The following GNAL variants were observed in gnomAD, a reference collection of about 807,000 sequenced individuals.
The protein encoded by GNAL is guanine nucleotide-binding protein G(olf) subunit alpha.
Under a neutral mutation model 55.1 loss-of-function variants are expected in GNAL, and 18 were observed. The ratio of observed to expected loss-of-function variants is 0.33; its 90% CI spans 0.23 to 0.48. The LOEUF (loss-of-function observed/expected upper bound fraction) is 0.48, where lower values mean the gene tolerates loss of function less well. GNAL is among the 20% of genes least tolerant of loss of function. The pLI is 0.99. For synonymous variants in GNAL, 253 were observed against 237.0 expected, an observed-to-expected ratio of 1.07 and a Z score of -0.62; for missense variants, 412 against 614.1, an observed-to-expected ratio of 0.67 and a Z score of 3.48.
chr18:11,877,766 T>C (rs959718701), intron 11 of GNAL, among the ~76,000 whole-genome samples: 8 of 152,122 alleles, frequency 5.3e-5, no homozygotes, highest in Non-Finnish European at 1.2e-4. Flanking sequence ...ACCACCCTTT[T>C]CCCGGCACAC....
At chr18:11,801,417 G>A (rs182138396) in intron 4 of GNAL, among the ~76,000 whole-genome samples, 3 of 152,288 alleles carry the variant, frequency 2.0e-5, no homozygotes, top group Admixed American at 2.0e-4. Context: ...ATCAGGCGTG[G>A]TGGTGCACAT....
In GNAL at chr18:11,885,402, G is replaced by GT; in HGVS notation, c.*4268dup. ...TTAGAAAATTAAACACACACAGAGTGTAAGAGGAGAGGATACGGCCCTCCC... is the reference window on the plus strand; with the variant it reads ...TTAGAAAATTAAACACACACAGAGTGTTAAGAGGAGAGGATACGGCCCTCCC... On this transcript the variant is annotated 3_prime_UTR_variant, in exon 12 of 12. Coordinates refer to ENST00000334049, the MANE Select transcript of GNAL (RefSeq NM_182978.4). 2.2e-6 allele frequency: 1 copy of GT among 462,796 alleles called. No individual in the cohort carries two copies. The highest frequency in any genetic ancestry group is 3.9e-6 in the Non-Finnish European group (1 of 257,014). The allele number at this position is 462,796 out of a possible 1,614,324, so 28.7% of individuals were successfully genotyped here. A position where few individuals can be genotyped will look rare whatever the true frequency, so the allele number is the denominator to read the frequency against.
At chr18:11,746,954 G>T in intron 1 of GNAL, 1 of 527,998 alleles carries the variant, frequency 1.9e-6, no homozygotes, top group South Asian at 1.4e-5. Context: ...TTCAGTAGGT[G>T]AGTATTTAAT....
Position 11,752,976 on chromosome 18 carries a change from C to T in GNAL, c.449+51C>T, listed in dbSNP as rs758550295. On this transcript the variant is annotated intron_variant, in intron 2 of 11. Transcript: ENST00000334049. This position sits in a 1 kb window ranked among gnomAD's most constrained non-coding sequence, Gnocchi z 4.5. ...ACTGCATGCAAACTTCGTCTCTCTC[C>T]CAGACGTCCCAAAAGTGCTTTCTCT... The T allele has an allele frequency of 2.8e-6, 3 of 1,057,420 alleles. No homozygotes were observed. Among genetic ancestry groups the T allele is most frequent in the Non-Finnish European group, 4.4e-6 (3 of 683,464 alleles). 65.5% of individuals were successfully genotyped at this position (1,057,420 alleles called of 1,614,324 possible).
chr18:11,822,715 A>G (rs2035131885), intron 4 of GNAL, among the ~76,000 whole-genome samples: 3 of 151,882 alleles, frequency 2.0e-5, no homozygotes, highest in Admixed American at 1.3e-4. Flanking sequence ...GCTCACTTCC[A>G]TGGCTGGTTG....
At chr18:11,777,699 G>A (rs974864332) in intron 4 of GNAL, among the ~76,000 whole-genome samples, 1 of 152,140 alleles carries the variant, frequency 6.6e-6, no homozygotes, top group African/African-American at 2.4e-5. Flanking sequence ...AATCAAGTAG[G>A]TAAACTAGAT....
At chr18:11,786,741 G>A (rs2034073838) in intron 4 of GNAL, among the ~76,000 whole-genome samples, 1 of 151,484 alleles carries the variant, frequency 6.6e-6, no homozygotes, top group African/African-American at 2.4e-5. Flanking sequence ...GTGAGCCACC[G>A]TGCCCGGCGA....
At chr18:11,833,219 A>G (rs2035425960) in intron 5 of GNAL, among the ~76,000 whole-genome samples, 1 of 151,964 alleles carries the variant, frequency 6.6e-6, no homozygotes, top group South Asian at 2.1e-4. Flanking sequence ...TTTAGTAGAG[A>G]TGAGGTTTCA....
chr18:11,741,114 A>G (rs2032566682), intron 1 of GNAL, among the ~76,000 whole-genome samples: 1 of 152,250 alleles, frequency 6.6e-6, no homozygotes, highest in Non-Finnish European at 1.5e-5. Flanking sequence ...CAGTCATTAT[A>G]TGCAGATTAA....
chr18:11,784,816 T>C (rs556779908), intron 4 of GNAL, among the ~76,000 whole-genome samples: 10 of 152,176 alleles, frequency 6.6e-5, no homozygotes, highest in Non-Finnish European at 1.3e-4. Flanking sequence ...CTGTGCGTGC[T>C]CTGTTGGATT....
chr18:11,851,462 C>G (rs1235837141), intron 5 of GNAL: 1 of 1,480,196 alleles, frequency 6.8e-7, no homozygotes, highest in East Asian at 2.4e-5. Context: ...CCTTCTCTGC[C>G]TTCGGCGCGC....
Position 11,752,260 on chromosome 18 carries a change from C to T in GNAL, c.377-593C>T. 5 of 1,331,072 alleles carry T rather than the reference C, an allele frequency of 3.8e-6. No individual in the cohort carries two copies. The highest frequency in any genetic ancestry group is 1.9e-5 in the South Asian group (1 of 52,730). The allele number at this position is 1,331,072 out of a possible 1,614,324, so 82.5% of individuals were successfully genotyped here. On this transcript the variant is annotated intron_variant, in intron 1 of 11. Coordinates refer to ENST00000334049, the MANE Select transcript of GNAL (RefSeq NM_182978.4). The surrounding 1 kb of genome is among the most constrained non-coding windows in gnomAD (Gnocchi z 4.5). Reference sequence around the variant, plus strand: ...CATTTAGTTGGGAGTTTGCGGTGGGCAGGGGGAGGGAGAAGAAACGCCTGC... The same window carrying T: ...CATTTAGTTGGGAGTTTGCGGTGGGTAGGGGGAGGGAGAAGAAACGCCTGC...
intron 1 of GNAL, among the ~76,000 whole-genome samples, chr18:11,716,704 A>G (rs2143386747): frequency 6.6e-6 from 1 of 152,316 alleles, no homozygotes; most frequent in East Asian, 1.9e-4. Flanking sequence ...CCACCAGAGT[A>G]GCTAGATACA....
chr18:11,731,297 G>A (rs959227290), intron 1 of GNAL, among the ~76,000 whole-genome samples: 3 of 152,156 alleles, frequency 2.0e-5, no homozygotes, highest in South Asian at 2.1e-4. Context: ...ACAGGCCCAC[G>A]CCACTATGCC....
chr18:11,876,765 TTGA>T (rs2036541783), intron 11 of GNAL, 77 bp downstream of exon 11: 8 of 825,444 alleles, frequency 9.7e-6, no homozygotes, highest in Non-Finnish European at 1.5e-5. Context: ...AAATTACTCC[TTGA>T]TGATCTCATT....
chr18:11,833,159 G>C (rs2035424597), intron 5 of GNAL, among the ~76,000 whole-genome samples: 2 of 151,604 alleles, frequency 1.3e-5, no homozygotes, highest in Admixed American at 6.6e-5. Context: ...AGCCTCCCTA[G>C]TAGCTGGAAT....
chr18:11,775,976 C>T (rs905271078), intron 4 of GNAL, among the ~76,000 whole-genome samples: 3 of 152,164 alleles, frequency 2.0e-5, no homozygotes, highest in African/African-American at 7.2e-5. Context: ...GCTCACCTAG[C>T]GTTTAACTGT....
intron 4 of GNAL, among the ~76,000 whole-genome samples, chr18:11,775,636 G>A (rs1375231882): frequency 6.6e-6 from 1 of 152,226 alleles, no homozygotes; most frequent in Non-Finnish European, 1.5e-5. Context: ...CGGACAGCAA[G>A]AAAAGAGGAA....
chr18:11,830,598 G>A (rs530979982), intron 5 of GNAL, among the ~76,000 whole-genome samples: 12 of 152,136 alleles, frequency 7.9e-5, no homozygotes, highest in South Asian at 2.1e-4. Flanking sequence ...GTTCAACATC[G>A]AATTACCCAG....
Sources: gnomAD v4.1 joint callset for allele counts (sites outside exome capture counted in the v4.1 genomes callset) on GRCh38, gnomAD v4.1.1 for gene constraint, Gnocchi (gnomAD v3.1) non-coding constraint, MANE v1.5 for transcripts, NCBI Gene and HGNC (gene_info 2026-07-23, HGNC 2026-07-21) for gene names.